Variants in GNB1L observed in about 807,000 individuals in gnomAD.
GNB1L encodes the protein guanine nucleotide-binding protein subunit beta-like protein 1.
In GNB1L, 20 loss-of-function variants were observed where a neutral mutation model predicts 29.1. That is an observed-to-expected ratio of 0.69 (90% CI 0.48 to 1.00). The LOEUF is 1.00. GNB1L is among the 50% of genes least tolerant of loss of function. The probability of loss-of-function intolerance (pLI) is 0.00; values close to 1 mark genes in which losing one functional copy is unlikely to be tolerated. For synonymous variants in GNB1L, 193 were observed against 206.5 expected (o/e 0.93, Z 0.56); for missense variants, 421 against 464.9 (o/e 0.91, Z 0.87).
chr22:19,799,450 A>T (rs564275793), intron 7 of GNB1L, among the ~76,000 whole-genome samples: 6 of 152,362 alleles, frequency 3.9e-5, no homozygotes, highest in African/African-American at 1.4e-4. Context: ...GCCAAGCCCC[A>T]GCCTGGACCT....
chr22:19,812,375 G>A lies in GNB1L; in HGVS notation c.327C>T (p.Cys109=). The A allele has an allele frequency of 6.2e-7, 1 of 1,613,396 alleles. No individual in the cohort carries two copies. Among genetic ancestry groups the A allele is most frequent in the East Asian group, 2.2e-5 (1 of 44,874 alleles). ...TCCGGCAGAAGCCCACACTCTCCAA[G>A]CACACGGAGTCCACGACAGCGCTCC... The part of the protein sequence containing the change: ...EGRSAVVDSV[C]LESVGFCRSS... The change falls in exon 5 of 8, where the codon TGC becomes TGT. Residue 109 remains cysteine, a synonymous_variant. Coordinates refer to ENST00000329517, the MANE Select transcript of GNB1L (RefSeq NM_053004.3).
At chr22:19,820,127 G>A (rs910439588) in intron 4 of GNB1L, among the ~76,000 whole-genome samples, 5 of 152,144 alleles carry the variant, frequency 3.3e-5, no homozygotes, top group Admixed American at 6.5e-5. Flanking sequence ...CATGGCACAC[G>A]GCCCAGGCAG....
Position 19,799,593 on chromosome 22 carries a change from C to T in GNB1L, c.732+2408G>A, listed in dbSNP as rs1006777732. 3.3e-5 allele frequency among the ~76,000 whole-genome samples: 5 copies of T among 152,346 alleles called. No individual in the cohort carries two copies. The South Asian group carries it at 8.3e-4, about 25-fold the overall frequency. On this transcript the variant is annotated intron_variant, in intron 7 of 7. Coordinates refer to ENST00000329517, the MANE Select transcript of GNB1L (RefSeq NM_053004.3). ...TGCTCTGCTCCAGGAACCTCATTCG[C>T]GTCTCTACTCCCAGCACCCGCCGGG...
chr22:19,835,610 G>A (rs926384765), intron 2 of GNB1L, among the ~76,000 whole-genome samples: 2 of 151,904 alleles, frequency 1.3e-5, no homozygotes, highest in Admixed American at 1.3e-4. Context: ...GCTGGCGGAG[G>A]TTGCAGTGAG....
At chr22:19,838,473 A>ATT (rs1428272937) in intron 2 of GNB1L, among the ~76,000 whole-genome samples, 3 of 126,128 alleles carry the variant, frequency 2.4e-5, no homozygotes, top group African/African-American at 1.2e-4. Flanking sequence ...TTTTATTTTT[A>ATT]TTTTTATTTT....
intron 2 of GNB1L, chr22:19,846,466 G>T: frequency 1.0e-6 from 1 of 985,016 alleles, no homozygotes; most frequent in Non-Finnish European, 1.2e-6. Context: ...AGAACCCAGG[G>T]CCTGGGGGAC....
At chr22:19,805,384 G>C (rs1000333725) in intron 6 of GNB1L, among the ~76,000 whole-genome samples, 1 of 152,250 alleles carries the variant, frequency 6.6e-6, no homozygotes, top group African/African-American at 2.4e-5. Flanking sequence ...AAACTGCACA[G>C]GCCCATCCGG....
intron 2 of GNB1L, chr22:19,852,185 G>A (rs1328141048): frequency 6.2e-7 from 1 of 1,613,884 alleles, no homozygotes; most frequent in Non-Finnish European, 8.5e-7. Flanking sequence ...CTGCTGCCAT[G>A]GATGTGCGTT....
chr22:19,821,105 C>T (rs1467799575), intron 3 of GNB1L, 123 bp downstream of exon 3: 1 of 950,148 alleles, frequency 1.1e-6, no homozygotes, highest in Admixed American at 2.2e-5. Context: ...GCTCAGCAAG[C>T]CTGGGTGGCG....
intron 2 of GNB1L, chr22:19,849,370 TTG>T (rs1267896436): frequency 8.4e-5 from 76 of 900,260 alleles, no homozygotes; most frequent in Non-Finnish European, 9.5e-5. Flanking sequence ...TTGTTTTTTG[TTG>T]TTTTTTTTTT....
rs541861721 is a variant in GNB1L, at chr22:19,786,965, G to T, written c.*1744C>A. On this transcript the variant is annotated 3_prime_UTR_variant, in exon 8 of 8. Transcript: ENST00000329517. ...CACCTGGTGGCCACCCTTGTCCAAC[G>T]GAGCCAGGCCAGTACCCGAGCCAGG... 1 of 152,210 alleles carries T rather than the reference G, an allele frequency of 6.6e-6. No homozygotes were observed. Among genetic ancestry groups the T allele is most frequent in the Admixed American group, 6.5e-5 (1 of 15,278 alleles). 9.4% of individuals were successfully genotyped at this position (152,210 alleles called of 1,614,324 possible).
At chr22:19,801,871 G>T in intron 7 of GNB1L, 130 bp downstream of exon 7, 1 of 778,858 alleles carries the variant, frequency 1.3e-6, no homozygotes, top group Non-Finnish European at 2.0e-6. Flanking sequence ...CAGCCCCCCT[G>T]CACCCGCCTC....
intron 7 of GNB1L, among the ~76,000 whole-genome samples, chr22:19,800,245 A>G (rs1239407305): frequency 6.6e-6 from 1 of 152,244 alleles, no homozygotes; most frequent in East Asian, 1.9e-4. Context: ...CAAACACACC[A>G]GGAGAGACGA....
intron 6 of GNB1L, 57 bp from the exon 7 acceptor site, chr22:19,802,273 C>A: frequency 7.0e-7 from 1 of 1,435,876 alleles, no homozygotes; most frequent in South Asian, 1.2e-5. Context: ...CAGTGAGTTT[C>A]GGGGGAGAAG....
In GNB1L at chr22:19,850,000, G is replaced by C. The variant is rs750044402; in HGVS notation, c.-21+4443C>G. 19 of 985,464 alleles carry C rather than the reference G, an allele frequency of 1.9e-5. No individual in the cohort carries two copies. The African/African-American group carries it at 3.1e-4, about 16-fold the overall frequency. 61.0% of individuals were successfully genotyped at this position (985,464 alleles called of 1,614,324 possible). A position where few individuals can be genotyped will look rare whatever the true frequency, so the allele number is the denominator to read the frequency against. On this transcript the variant is annotated intron_variant, in intron 2 of 7. Transcript: ENST00000329517. ...CTGGGCCTGGGGCCTCACAGCTCTG[G>C]ACTGCTGCCTGGTCCTCACTTCACC... is the stretch of plus-strand genomic sequence containing the variant.
chr22:19,844,234 C>T (rs760888179), intron 2 of GNB1L, among the ~76,000 whole-genome samples: 3 of 152,212 alleles, frequency 2.0e-5, no homozygotes, highest in Non-Finnish European at 4.4e-5. Context: ...GCCCAAATGG[C>T]GTGATTCGTT....
intron 2 of GNB1L, among the ~76,000 whole-genome samples, chr22:19,837,682 T>G (rs547598992): frequency 6.6e-6 from 1 of 152,354 alleles, no homozygotes; most frequent in East Asian, 1.9e-4. Context: ...AGTTTGGCTA[T>G]TTCTTTAAAA....
intron 2 of GNB1L, among the ~76,000 whole-genome samples, chr22:19,833,590 G>A (rs1028755422): frequency 8.5e-5 from 13 of 152,226 alleles, no homozygotes; most frequent in Admixed American, 6.5e-5. Flanking sequence ...TAGGCCGGAC[G>A]CGGTAGTTCA....
At chr22:19,844,630 G>A (rs938308863) in intron 2 of GNB1L, among the ~76,000 whole-genome samples, 2 of 152,170 alleles carry the variant, frequency 1.3e-5, no homozygotes, top group Admixed American at 6.5e-5. Flanking sequence ...ATGGGCAGGC[G>A]GGGTCTCTCT....
Sources: allele counts gnomAD v4.1 joint callset (sites outside exome capture counted in the v4.1 genomes callset), GRCh38; gene constraint gnomAD v4.1.1; transcripts MANE v1.5; gene names NCBI Gene and HGNC (gene_info 2026-07-23, HGNC 2026-07-21).